The following MFHAS1 variants were observed in gnomAD, a reference collection of about 807,000 sequenced individuals.
MFHAS1 encodes the protein malignant fibrous histiocytoma-amplified sequence 1.
A neutral mutation model predicts 70.4 loss-of-function variants in MFHAS1; 50 were observed. The observed-to-expected ratio is 0.71, with a 90% CI of 0.57 to 0.90. The LOEUF (loss-of-function observed/expected upper bound fraction) is 0.90, where lower values mean the gene tolerates loss of function less well. Among genes scored for constraint, MFHAS1 ranks in the 40% least tolerant of loss-of-function variants. MFHAS1 has a pLI of 0.00. For synonymous variants in MFHAS1, 952 were observed against 620.0 expected (o/e 1.54, Z -7.96); for missense variants, 1,795 against 1,347.6 (o/e 1.33, Z -5.20).
intron 1 of MFHAS1, among the ~76,000 whole-genome samples, chr8:8,818,809 A>C (rs1431407622): frequency 6.6e-6 from 1 of 152,222 alleles, no homozygotes; most frequent in Non-Finnish European, 1.5e-5. Flanking sequence ...TTCCTTCTCT[A>C]AAGTCCCTGT....
intron 1 of MFHAS1, among the ~76,000 whole-genome samples, chr8:8,823,549 C>T (rs1298146434): frequency 6.6e-6 from 1 of 152,030 alleles, no homozygotes; most frequent in African/African-American, 2.4e-5. Flanking sequence ...GCTTAAAATA[C>T]TGTAAAAATA....
intron 1 of MFHAS1, among the ~76,000 whole-genome samples, chr8:8,813,061 C>A (rs933516127): frequency 6.6e-6 from 1 of 152,164 alleles, no homozygotes; most frequent in African/African-American, 2.4e-5. Flanking sequence ...ACCACTGCAC[C>A]TGGCCTTCAT....
At chr8:8,830,516 G>C (rs1807346212) in intron 1 of MFHAS1, among the ~76,000 whole-genome samples, 1 of 152,108 alleles carries the variant, frequency 6.6e-6, no homozygotes, top group South Asian at 2.1e-4. Flanking sequence ...GGCTATTCTA[G>C]AGTTCTCTGG....
At chr8:8,872,105 T>G (rs1457656363) in intron 1 of MFHAS1, among the ~76,000 whole-genome samples, 1 of 152,240 alleles carries the variant, frequency 6.6e-6, no homozygotes, top group Non-Finnish European at 1.5e-5. Context: ...AAACGATCTG[T>G]GTAACATAAG....
rs57194505 is a variant in MFHAS1, at chr8:8,824,521, TCACACACACA to T, written c.2999-27040_2999-27031del. On this transcript the variant is annotated intron_variant, in intron 1 of 2. Transcript: ENST00000276282. ...GAAAGTCTTTCTCTTTCTCTCTCTT[TCACACACACA>T]CACACACACACACACACACACACAC... Among the ~76,000 whole-genome samples the T allele has an allele frequency of 1.2e-3, 180 of 146,018 alleles. 3 individuals are homozygous for T. The highest frequency in any genetic ancestry group is 4.0e-3 in the African/African-American group (157 of 38,936).
chr8:8,818,921 C>T (rs1806843422), intron 1 of MFHAS1, among the ~76,000 whole-genome samples: 1 of 152,152 alleles, frequency 6.6e-6, no homozygotes, highest in Admixed American at 6.5e-5. Flanking sequence ...ATTTGTAGCC[C>T]CTTTTTGGAG....
At chr8:8,818,504 T>C (rs149089927) in intron 1 of MFHAS1, among the ~76,000 whole-genome samples, 257 of 152,330 alleles carry the variant, frequency 1.7e-3, no homozygotes, top group African/African-American at 5.8e-3. Context: ...CTGCCATTTA[T>C]CCACTGGATA....
chr8:8,823,068 C>A (rs182005429), intron 1 of MFHAS1, among the ~76,000 whole-genome samples: 12 of 152,258 alleles, frequency 7.9e-5, no homozygotes, highest in Non-Finnish European at 7.4e-5. Flanking sequence ...CTAGTCCATA[C>A]AGAGATTCTC....
intron 2 of MFHAS1, 73 bp downstream of exon 2, chr8:8,797,292 A>G (rs1805937914): frequency 1.3e-6 from 2 of 1,560,730 alleles, no homozygotes; most frequent in African/African-American, 2.7e-5. Context: ...TTTAACCTGG[A>G]TTTTTGTGGT....
At chr8:8,871,171 A>G (rs932870141) in intron 1 of MFHAS1, among the ~76,000 whole-genome samples, 8 of 152,168 alleles carry the variant, frequency 5.3e-5, no homozygotes, top group African/African-American at 1.9e-4. Flanking sequence ...CATATGACTT[A>G]GCCCTCCTCT....
chr8:8,786,137 T>C lies in MFHAS1; in HGVS notation c.3126-82A>G, dbSNP rs1805534427. The C allele has an allele frequency of 2.4e-6, 3 of 1,275,622 alleles. No homozygotes were observed. In the East Asian group the frequency reaches 7.0e-5, roughly 30 times the overall value. The allele number at this position is 1,275,622 out of a possible 1,614,324, so 79.0% of individuals were successfully genotyped here. Reference sequence around the variant, plus strand: ...TACCCTCAATAAGAAAAGGAAGTGATGATAGAAATCTATTTTCTGCACATA... The same window carrying C: ...TACCCTCAATAAGAAAAGGAAGTGACGATAGAAATCTATTTTCTGCACATA... On this transcript the variant is annotated intron_variant, in intron 2 of 2. Transcript: ENST00000276282.
chr8:8,832,659 C>G (rs1157819446), intron 1 of MFHAS1, among the ~76,000 whole-genome samples: 1 of 136,016 alleles, frequency 7.4e-6, no homozygotes, highest in Non-Finnish European at 1.5e-5. Flanking sequence ...GACAGAGTCT[C>G]TCTCTGTTGC....
At position 8,891,676 on chromosome 8, in the gene MFHAS1, G is replaced by A. The variant is rs765207445; in HGVS notation, c.1383C>T (p.Thr461=). 3 of 1,613,448 alleles carry A rather than the reference G, an allele frequency of 1.9e-6. No homozygotes were observed. The highest frequency in any genetic ancestry group is 1.3e-5 in the African/African-American group (1 of 74,910). The part of the protein sequence containing the change: ...PPPVSKGIEV[T]SWTADASRGL... ...CCCGGGAGGCATCGGCCGTCCAGCT[G>A]GTCACCTCGATGCCCTTGCTCACAG... Residue 461 remains threonine, a synonymous_variant, in exon 1 of 3, where the codon ACC becomes ACT. Transcript: ENST00000276282. The surrounding 1 kb of genome is among the most constrained non-coding windows in gnomAD (Gnocchi z 5.4).
At chr8:8,822,959 G>A (rs1807022413) in intron 1 of MFHAS1, among the ~76,000 whole-genome samples, 1 of 152,142 alleles carries the variant, frequency 6.6e-6, no homozygotes, top group African/African-American at 2.4e-5. Context: ...GCTGGTGGCG[G>A]GAAGGGAGGG....
intron 1 of MFHAS1, among the ~76,000 whole-genome samples, chr8:8,885,232 G>T (rs766474104): frequency 6.6e-6 from 1 of 152,192 alleles, no homozygotes; most frequent in Non-Finnish European, 1.5e-5. Context: ...CTGAGTAAAT[G>T]AAAGACAGTA....
chr8:8,856,103 G>A (rs1383068386), intron 1 of MFHAS1, among the ~76,000 whole-genome samples: 1 of 152,174 alleles, frequency 6.6e-6, no homozygotes, highest in Non-Finnish European at 1.5e-5. Context: ...CCCCATGTCT[G>A]CTGAGATGAG....
intron 1 of MFHAS1, among the ~76,000 whole-genome samples, chr8:8,798,245 G>C (rs887347051): frequency 1.3e-5 from 2 of 152,150 alleles, no homozygotes; most frequent in African/African-American, 2.4e-5. Flanking sequence ...CCCTTTCTCA[G>C]AGAGTACTCA....
chr8:8,784,770 GA>G lies in MFHAS1; in HGVS notation c.*1251del, dbSNP rs1217795914. On this transcript the variant is annotated 3_prime_UTR_variant, in exon 3 of 3. Coordinates refer to ENST00000276282, the MANE Select transcript of MFHAS1 (RefSeq NM_004225.3). ...GTAAACAGAGTTTTTTACACTCTCC[GA>G]AAAACATGTTACTACTGTAGCATAT... 1.3e-5 allele frequency: 2 copies of G among 152,160 alleles called. No homozygotes were observed. Among genetic ancestry groups the G allele is most frequent in the African/African-American group, 4.8e-5 (2 of 41,446 alleles). The allele number at this position is 152,160 out of a possible 1,614,324, so 9.4% of individuals were successfully genotyped here. A position where few individuals can be genotyped will look rare whatever the true frequency, so the allele number is the denominator to read the frequency against.
At chr8:8,850,479 A>G (rs551998911) in intron 1 of MFHAS1, among the ~76,000 whole-genome samples, 1 of 152,348 alleles carries the variant, frequency 6.6e-6, no homozygotes, top group South Asian at 2.1e-4. Flanking sequence ...TCTCATTTTA[A>G]AGATTAGGAG....
Sources: gnomAD v4.1 joint callset for allele counts (sites outside exome capture counted in the v4.1 genomes callset) on GRCh38, gnomAD v4.1.1 for gene constraint, Gnocchi (gnomAD v3.1) non-coding constraint, MANE v1.5 for transcripts, NCBI Gene and HGNC (gene_info 2026-07-23, HGNC 2026-07-21) for gene names.